CDC42BPA: variants seen among roughly 807,000 people sequenced by gnomAD.
CDC42BPA encodes serine/threonine-protein kinase MRCK alpha.
In CDC42BPA, 80 loss-of-function variants were observed where a neutral mutation model predicts 223.5. The ratio of observed to expected loss-of-function variants is 0.36; its 90% CI spans 0.30 to 0.43. The LOEUF is 0.43. CDC42BPA is among the 20% of genes least tolerant of loss of function. The pLI, the probability that CDC42BPA is intolerant of heterozygous loss-of-function variation, is 1.00. For missense variants in CDC42BPA, 1,743 were observed against 2,099.9 expected (o/e 0.83, Z 3.32); for synonymous variants, 694 against 718.6 (o/e 0.97, Z 0.55).
chr1:227,070,634 C>G (rs1234312004), intron 20 of CDC42BPA, among the ~76,000 whole-genome samples: 1 of 151,744 alleles, frequency 6.6e-6, no homozygotes, highest in African/African-American at 2.4e-5. Flanking sequence ...GAAATTCATT[C>G]AAATATTGAG....
chr1:227,292,773 A>C (rs1302225040), intron 1 of CDC42BPA, among the ~76,000 whole-genome samples: 1 of 152,202 alleles, frequency 6.6e-6, no homozygotes, highest in African/African-American at 2.4e-5. Flanking sequence ...AGCTAGCACA[A>C]GGTAGACATT....
intron 2 of CDC42BPA, among the ~76,000 whole-genome samples, chr1:227,250,782 T>C (rs1383039145): frequency 1.3e-5 from 2 of 151,952 alleles, no homozygotes; most frequent in African/African-American, 2.4e-5. Context: ...CCAGGCACAG[T>C]GCCTCACAAC....
At chr1:227,110,536 C>CT (rs1226843881) in intron 14 of CDC42BPA, among the ~76,000 whole-genome samples, 2 of 152,158 alleles carry the variant, frequency 1.3e-5, no homozygotes, top group African/African-American at 4.8e-5. Context: ...ACATTGTACT[C>CT]TATCACTTAT....
chr1:227,312,590 T>C (rs1180144906), intron 1 of CDC42BPA, among the ~76,000 whole-genome samples: 5 of 152,240 alleles, frequency 3.3e-5, no homozygotes, highest in African/African-American at 1.2e-4. Context: ...TGGTGGTGCA[T>C]GCCTGTAATC....
At chr1:227,190,587 T>G (rs1385278311) in intron 5 of CDC42BPA, among the ~76,000 whole-genome samples, 1 of 152,210 alleles carries the variant, frequency 6.6e-6, no homozygotes, top group Non-Finnish European at 1.5e-5. Flanking sequence ...TGTGGTATTT[T>G]AAGTTTTATT....
chr1:227,066,559 T>C (rs1304802991), intron 21 of CDC42BPA, among the ~76,000 whole-genome samples: 1 of 151,958 alleles, frequency 6.6e-6, no homozygotes, highest in Admixed American at 6.6e-5. Flanking sequence ...GAGGATCAAA[T>C]GAATGAATGA....
chr1:227,100,259 G>A (rs937114888), intron 15 of CDC42BPA, among the ~76,000 whole-genome samples: 1 of 152,074 alleles, frequency 6.6e-6, no homozygotes, highest in Non-Finnish European at 1.5e-5. Context: ...TCTCGCAGCT[G>A]GATTCCTACC....
chr1:227,062,896 A>C (rs2148974074), intron 21 of CDC42BPA, among the ~76,000 whole-genome samples: 1 of 152,112 alleles, frequency 6.6e-6, no homozygotes, highest in South Asian at 2.1e-4. Flanking sequence ...TGCTAAAACC[A>C]TGGAAAAGAG....
At chr1:227,007,949 A>G (rs1664413005) in intron 34 of CDC42BPA, among the ~76,000 whole-genome samples, 1 of 152,190 alleles carries the variant, frequency 6.6e-6, no homozygotes, top group Non-Finnish European at 1.5e-5. Context: ...CACTGTTGGT[A>G]GGCACACCCT....
At chr1:227,200,454 AACG>A (rs1266463809) in intron 3 of CDC42BPA, among the ~76,000 whole-genome samples, 3 of 150,942 alleles carry the variant, frequency 2.0e-5, no homozygotes, top group African/African-American at 4.9e-5. Flanking sequence ...ACAAAAAAAA[AACG>A]AAAGAAAGAA....
intron 16 of CDC42BPA, among the ~76,000 whole-genome samples, chr1:227,085,635 A>G (rs1681702788): frequency 6.6e-6 from 1 of 152,232 alleles, no homozygotes; most frequent in Non-Finnish European, 1.5e-5. Context: ...TTATGCATAT[A>G]GAGTTTGTCT....
At chr1:227,193,365 C>CT (rs199636112) in intron 5 of CDC42BPA, among the ~76,000 whole-genome samples, 8 of 151,090 alleles carry the variant, frequency 5.3e-5, no homozygotes, top group East Asian at 1.9e-4. Context: ...CGGCCGAGAA[C>CT]TTTTTTTTTC....
At chr1:227,190,383 G>A (rs7530644) in intron 5 of CDC42BPA, among the ~76,000 whole-genome samples, 103,933 of 152,146 alleles carry the variant, frequency 0.68, 35,730 homozygotes, top group South Asian at 0.73. Flanking sequence ...GATGACATCT[G>A]AATCACAGAA....
chr1:227,081,835 C>G (rs2149146401), intron 16 of CDC42BPA, among the ~76,000 whole-genome samples: 1 of 152,284 alleles, frequency 6.6e-6, no homozygotes, highest in Non-Finnish European at 1.5e-5. Context: ...CCATACATAT[C>G]ACTGTATGTA....
At chr1:227,245,583 G>A (rs1680796216) in intron 2 of CDC42BPA, among the ~76,000 whole-genome samples, 1 of 152,100 alleles carries the variant, frequency 6.6e-6, no homozygotes, top group South Asian at 2.1e-4. Flanking sequence ...AAGCCACCAT[G>A]CCCAGCCCCG....
chr1:227,065,623 A>G (rs1676885544), intron 21 of CDC42BPA, among the ~76,000 whole-genome samples: 1 of 152,232 alleles, frequency 6.6e-6, no homozygotes, highest in Non-Finnish European at 1.5e-5. Flanking sequence ...AAACATGTGG[A>G]GGAAAAAATA....
At chr1:227,008,191 A>G (rs770281576) in intron 34 of CDC42BPA, among the ~76,000 whole-genome samples, 1 of 152,186 alleles carries the variant, frequency 6.6e-6, no homozygotes, top group Non-Finnish European at 1.5e-5. Flanking sequence ...CTGCAATCCT[A>G]ATTTTCTAAT....
intron 1 of CDC42BPA, among the ~76,000 whole-genome samples, chr1:227,254,937 C>T (rs998387838): frequency 4.0e-5 from 6 of 151,588 alleles, no homozygotes; most frequent in Admixed American, 3.3e-4. Context: ...TGAAGAGAGG[C>T]GAGGAAGTGA....
At chr1:227,218,812 T>C (rs1457276661) in intron 2 of CDC42BPA, among the ~76,000 whole-genome samples, 1 of 152,226 alleles carries the variant, frequency 6.6e-6, no homozygotes, top group African/African-American at 2.4e-5. Context: ...GCGACCAATT[T>C]GTGTTCAAAA....
Sources: gnomAD v4.1 joint callset for allele counts (sites outside exome capture counted in the v4.1 genomes callset) on GRCh38, gnomAD v4.1.1 for gene constraint, MANE v1.5 for transcripts, NCBI Gene and HGNC (gene_info 2026-07-23, HGNC 2026-07-21) for gene names.